Variants in SDCBP observed in about 807,000 individuals in gnomAD.
The protein encoded by SDCBP is syntenin-1.
In SDCBP, 22 loss-of-function variants were observed where a neutral mutation model predicts 30.5. The ratio of observed to expected loss-of-function variants is 0.72; its 90% confidence interval spans 0.52 to 1.03. SDCBP has a LOEUF of 1.03. Among genes scored for constraint, SDCBP ranks in the 50% least tolerant of loss-of-function variants. SDCBP has a pLI of 0.00. For synonymous variants in SDCBP, 103 were observed against 118.7 expected (o/e 0.87, Z 0.86); for missense variants, 304 against 369.9 (o/e 0.82, Z 1.46).
intron 1 of SDCBP, among the ~76,000 whole-genome samples, chr8:58,559,755 A>G (rs1056573757): frequency 6.6e-6 from 1 of 152,218 alleles, no homozygotes; most frequent in Non-Finnish European, 1.5e-5. Flanking sequence ...AACAATACAC[A>G]CACCAGACCT....
chr8:58,553,277 G>A lies in SDCBP; in HGVS notation c.-42G>A. The A allele has an allele frequency of 6.5e-6, 1 of 154,302 alleles. No homozygotes were observed. The highest frequency in any genetic ancestry group is 1.4e-5 in the Non-Finnish European group (1 of 69,692). The allele number at this position is 154,302 out of a possible 1,614,324, so 9.6% of individuals were successfully genotyped here. A position where few individuals can be genotyped will look rare whatever the true frequency, so the allele number is the denominator to read the frequency against. ...GTCCGTGCCAGTGACCGGAGGCGGCGGCGGCGAGCGGTTCCTTGTGGGCTA... is the reference window on the plus strand; with the variant it reads ...GTCCGTGCCAGTGACCGGAGGCGGCAGCGGCGAGCGGTTCCTTGTGGGCTA... On this transcript the variant is annotated 5_prime_UTR_variant, in exon 1 of 9. Transcript: ENST00000260130.
At position 58,579,571 on chromosome 8, in the gene SDCBP, TA is replaced by T. The variant is rs369256498; in HGVS notation, c.579-48del. 1.0e-3 allele frequency: 1,391 copies of T among 1,352,708 alleles called. 12 individuals are homozygous for T. In the African/African-American group the frequency reaches 0.019, roughly 19 times the overall value. 83.8% of individuals were successfully genotyped at this position (1,352,708 alleles called of 1,614,324 possible). A position where few individuals can be genotyped will look rare whatever the true frequency, so the allele number is the denominator to read the frequency against. On this transcript the variant is annotated intron_variant, in intron 6 of 8. Transcript: ENST00000260130. ...AACATTTATGCTATATGAAATCCAT[TA>T]AAATGTTTAGCTTAGAATTAAGTTT...
At chr8:58,577,146 G>A (rs1160574608) in intron 5 of SDCBP, among the ~76,000 whole-genome samples, 1 of 152,238 alleles carries the variant, frequency 6.6e-6, no homozygotes, top group Non-Finnish European at 1.5e-5. Context: ...GTAGGTAATA[G>A]TTGCAGTGGA....
chr8:58,562,763 T>G (rs1216917941), intron 1 of SDCBP, among the ~76,000 whole-genome samples: 1 of 152,122 alleles, frequency 6.6e-6, no homozygotes, highest in Non-Finnish European at 1.5e-5. Context: ...TTCATAACCT[T>G]GAGTTGGGCA....
At chr8:58,577,900 CTTTTTTTCT>C in intron 5 of SDCBP, 124 bp from the exon 6 acceptor site, 1 of 685,142 alleles carries the variant, frequency 1.5e-6, no homozygotes, top group Non-Finnish European at 2.4e-6. Flanking sequence ...ATAGTTTTTC[CTTTTTTTCT>C]TTTTCTTTCT....
intron 1 of SDCBP, among the ~76,000 whole-genome samples, chr8:58,556,143 T>G (rs959789363): frequency 6.6e-6 from 1 of 152,238 alleles, no homozygotes; most frequent in Admixed American, 6.5e-5. Flanking sequence ...CAAGATGTTT[T>G]TAATACAGCG....
chr8:58,575,433 T>C (rs918193689), intron 4 of SDCBP, among the ~76,000 whole-genome samples: 1 of 152,206 alleles, frequency 6.6e-6, no homozygotes, highest in Non-Finnish European at 1.5e-5. Flanking sequence ...GACTGTCTTA[T>C]GTGTGCCAGT....
At chr8:58,563,654 A>G (rs573381685) in intron 1 of SDCBP, among the ~76,000 whole-genome samples, 1 of 152,332 alleles carries the variant, frequency 6.6e-6, no homozygotes, top group East Asian at 1.9e-4. Flanking sequence ...AATACACAGA[A>G]TTACTAGTTA....
Position 58,554,101 on chromosome 8 carries a change from C to A in SDCBP, c.-16+798C>A, listed in dbSNP as rs573711958. ...GAGTCATGGAGTCTTCTAATGTGTC[C>A]ATTTTTGAAAGGAGTTTGTAGATTA... On this transcript the variant is annotated intron_variant, in intron 1 of 8. Coordinates refer to ENST00000260130, the MANE Select transcript of SDCBP (RefSeq NM_005625.4). Among the ~76,000 whole-genome samples, 52 of 152,268 alleles carry A rather than the reference C, an allele frequency of 3.4e-4. No individual in the cohort carries two copies. In the South Asian group the frequency reaches 5.2e-3, roughly 15 times the overall value.
rs138009564 is a variant in SDCBP, at chr8:58,564,964, A to G, written c.-15-55A>G. The G allele has an allele frequency of 1.1e-3, 1,043 of 938,062 alleles. 7 individuals carry two copies. The African/African-American group carries it at 0.016, about 14-fold the overall frequency. The allele number at this position is 938,062 out of a possible 1,614,324, so 58.1% of individuals were successfully genotyped here. A position where few individuals can be genotyped will look rare whatever the true frequency, so the allele number is the denominator to read the frequency against. On this transcript the variant is annotated intron_variant, in intron 1 of 8. Coordinates refer to ENST00000260130, the MANE Select transcript of SDCBP (RefSeq NM_005625.4). ...TTTATGTGTCTGTGGTTAGCTGTGT[A>G]TACTATTTCAATTTCTATGACATTA...
intron 1 of SDCBP, among the ~76,000 whole-genome samples, chr8:58,564,410 C>G (rs1804598203): frequency 6.6e-6 from 1 of 152,200 alleles, no homozygotes; most frequent in Admixed American, 6.5e-5. Context: ...AAAAAACATA[C>G]TTCTACTTAA....
intron 1 of SDCBP, among the ~76,000 whole-genome samples, chr8:58,553,704 A>T (rs1803944377): frequency 6.6e-6 from 1 of 152,168 alleles, no homozygotes; most frequent in African/African-American, 2.4e-5. Flanking sequence ...ATCTCGACAT[A>T]AGAAAGAGCC....
At chr8:58,556,144 T>TA (rs1283785906) in intron 1 of SDCBP, among the ~76,000 whole-genome samples, 3 of 152,244 alleles carry the variant, frequency 2.0e-5, no homozygotes, top group Non-Finnish European at 4.4e-5. Context: ...AAGATGTTTT[T>TA]AATACAGCGG....
Position 58,565,040 on chromosome 8 carries a change from CTCTA to C in SDCBP, c.10_13del (p.Tyr4HisfsTer6), listed in dbSNP as rs763049891. ...TTAGAAGAATCCTGCAAAAATGTCT[CTCTA>C]TCCATCTCTCGAAGACTTGAAGGTA... On this transcript the variant is annotated frameshift_variant, in exon 2 of 9. Coordinates refer to ENST00000260130, the MANE Select transcript of SDCBP (RefSeq NM_005625.4). LOFTEE classifies it high-confidence loss of function. 1.9e-6 allele frequency: 3 copies of C among 1,587,284 alleles called. No individual in the cohort carries two copies. Among genetic ancestry groups the C allele is most frequent in the South Asian group, 1.1e-5 (1 of 87,888 alleles).
At position 58,572,197 on chromosome 8, in the gene SDCBP, C is replaced by G; in HGVS notation, c.131-8C>G. The G allele has an allele frequency of 1.3e-6, 2 of 1,542,496 alleles. No homozygotes were observed. Among genetic ancestry groups the G allele is most frequent in the Non-Finnish European group, 1.8e-6 (2 of 1,119,572 alleles). Reference sequence around the variant, plus strand: ...AAGTGCTTTTTAATTTATTCATTTACTTTTTAGATCTCTATCCCAGACTGT... The same window carrying G: ...AAGTGCTTTTTAATTTATTCATTTAGTTTTTAGATCTCTATCCCAGACTGT... On this transcript the variant is annotated splice_region_variant and splice_polypyrimidine_tract_variant and intron_variant, in intron 3 of 8. Transcript: ENST00000260130.
chr8:58,558,501 G>A (rs897923435), intron 1 of SDCBP, among the ~76,000 whole-genome samples: 13 of 152,134 alleles, frequency 8.5e-5, no homozygotes, highest in African/African-American at 2.2e-4. Context: ...CAAGCTGGTC[G>A]CAAACTCCTG....
chr8:58,555,924 G>T (rs1360443890), intron 1 of SDCBP, among the ~76,000 whole-genome samples: 1 of 151,900 alleles, frequency 6.6e-6, no homozygotes, highest in Non-Finnish European at 1.5e-5. Context: ...TGAATAGTTT[G>T]CAGAAGTGAA....
Position 58,571,058 on chromosome 8 carries a change from G to T in SDCBP, c.130+93G>T, listed in dbSNP as rs1002375188. ...GAATCCAAGATTTTTTTTTGGACAGGCTGCATAAAATTGGTAGTTAAGCTC... is the reference window on the plus strand; with the variant it reads ...GAATCCAAGATTTTTTTTTGGACAGTCTGCATAAAATTGGTAGTTAAGCTC... On this transcript the variant is annotated intron_variant, in intron 3 of 8. Coordinates refer to ENST00000260130, the MANE Select transcript of SDCBP (RefSeq NM_005625.4). 8 of 892,358 alleles carry T rather than the reference G, an allele frequency of 9.0e-6. No individual in the cohort carries two copies. The South Asian group carries it at 1.3e-4, about 14-fold the overall frequency. 55.3% of individuals were successfully genotyped at this position (892,358 alleles called of 1,614,324 possible).
intron 1 of SDCBP, among the ~76,000 whole-genome samples, chr8:58,557,402 ATAATATAATG>A (rs1422235006): frequency 8.4e-6 from 1 of 118,566 alleles, no homozygotes; most frequent in African/African-American, 3.1e-5. Flanking sequence ...TTAAAATATA[ATAATATAATG>A]TAATATAATA....
Sources: gnomAD v4.1 joint callset for allele counts (sites outside exome capture counted in the v4.1 genomes callset) on GRCh38, gnomAD v4.1.1 for gene constraint, MANE v1.5 for transcripts, NCBI Gene and HGNC (gene_info 2026-07-23, HGNC 2026-07-21) for gene names.